The following HNRNPC variants were observed in gnomAD, a reference collection of about 807,000 sequenced individuals.
The protein encoded by HNRNPC is heterogeneous nuclear ribonucleoprotein C, also known as heterogeneous nuclear ribonucleoproteins C1/C2.
HNRNPC carries 3 observed loss-of-function variants against 33.2 expected under a neutral mutation model. The observed-to-expected ratio is 0.09, with a 90% CI of 0.04 to 0.23. The LOEUF is 0.23. HNRNPC is among the 10% of genes least tolerant of loss of function. The pLI, the probability that HNRNPC is intolerant of heterozygous loss-of-function variation, is 1.00. For missense variants in HNRNPC, 143 were observed against 366.7 expected (o/e 0.39, Z 4.98); for synonymous variants, 121 against 126.7 (o/e 0.96, Z 0.30).
rs1891441173 is a variant in HNRNPC at position 21,209,936 on chromosome 14, A to G, written c.*1287T>C. The G allele has an allele frequency of 6.6e-6, 1 of 152,222 alleles. No individual in the cohort carries two copies. The highest frequency in any genetic ancestry group is 1.5e-5 in the Non-Finnish European group (1 of 68,036). The allele number at this position is 152,222 out of a possible 1,614,324, so 9.4% of individuals were successfully genotyped here. On this transcript the variant is annotated 3_prime_UTR_variant, in exon 9 of 9. Coordinates refer to ENST00000553300, the MANE Select transcript of HNRNPC (RefSeq NM_004500.4). ...TCACTGTAATTAATAAAGTTGAGGA[A>G]AACACAAAGATTAGCTAACAGGGGT...
chr14:21,213,939 T>A (rs1306944178), intron 5 of HNRNPC, among the ~76,000 whole-genome samples: 1 of 152,196 alleles, frequency 6.6e-6, no homozygotes, highest in Non-Finnish European at 1.5e-5. Context: ...TGTCTTAAAC[T>A]TAGTATCCCA....
At chr14:21,232,315 C>T (rs1207033240) in intron 3 of HNRNPC, among the ~76,000 whole-genome samples, 1 of 152,150 alleles carries the variant, frequency 6.6e-6, no homozygotes, top group Non-Finnish European at 1.5e-5. Context: ...AAATGAGCTT[C>T]ATTTTAATAT....
In HNRNPC at chr14:21,210,095, T is replaced by C. The variant is rs1891456527; in HGVS notation, c.*1128A>G. 1 of 152,184 alleles carries C rather than the reference T, an allele frequency of 6.6e-6. No individual in the cohort carries two copies. The highest frequency in any genetic ancestry group is 1.5e-5 in the Non-Finnish European group (1 of 68,032). The allele number at this position is 152,184 out of a possible 1,614,324, so 9.4% of individuals were successfully genotyped here. A position where few individuals can be genotyped will look rare whatever the true frequency, so the allele number is the denominator to read the frequency against. ...ACATGGAGGTATATACACTTCAGAA[T>C]TCAGAAGGTAACTGGGGCTATAAAT... On this transcript the variant is annotated 3_prime_UTR_variant, in exon 9 of 9. Transcript: ENST00000553300.
rs749817049 is a variant in HNRNPC, at chr14:21,209,620, CT to C, written c.*1602del. The C allele has an allele frequency of 6.6e-6, 1 of 152,168 alleles. No individual in the cohort carries two copies. The highest frequency in any genetic ancestry group is 1.5e-5 in the Non-Finnish European group (1 of 68,032). The allele number at this position is 152,168 out of a possible 1,614,324, so 9.4% of individuals were successfully genotyped here. A position where few individuals can be genotyped will look rare whatever the true frequency, so the allele number is the denominator to read the frequency against. On this transcript the variant is annotated 3_prime_UTR_variant, in exon 9 of 9. Transcript: ENST00000553300. ...ACTTCAGCCTCTTCATTCTTTTCTG[CT>C]TTTGTCACCTGTTACAGAAAATGAT...
At chr14:21,260,199 CAAAAAA>C (rs539169114) in intron 2 of HNRNPC, among the ~76,000 whole-genome samples, 1 of 94,982 alleles carries the variant, frequency 1.1e-5, no homozygotes, top group Non-Finnish European at 2.2e-5. Context: ...GACTCCATCT[CAAAAAA>C]AAAAAAAAAA....
intron 1 of HNRNPC, among the ~76,000 whole-genome samples, chr14:21,266,645 T>C (rs1879028796): frequency 6.7e-6 from 1 of 148,644 alleles, no homozygotes; most frequent in Admixed American, 6.9e-5. Flanking sequence ...CTCTAGTAAA[T>C]CTAGTATGCA....
At chr14:21,258,872 C>A (rs952932261) in intron 2 of HNRNPC, among the ~76,000 whole-genome samples, 1 of 152,160 alleles carries the variant, frequency 6.6e-6, no homozygotes. Context: ...TGATTATTTT[C>A]TTCAAGAGAT....
intron 5 of HNRNPC, among the ~76,000 whole-genome samples, chr14:21,227,614 C>T (rs1893622614): frequency 6.6e-6 from 1 of 152,174 alleles, no homozygotes; most frequent in Non-Finnish European, 1.5e-5. Flanking sequence ...TCTGAAGAGG[C>T]CACCAATTTC....
intron 2 of HNRNPC, among the ~76,000 whole-genome samples, chr14:21,256,644 G>T (rs779101363): frequency 2.0e-5 from 3 of 151,862 alleles, no homozygotes; most frequent in Non-Finnish European, 4.4e-5. Flanking sequence ...AGAGCTGACA[G>T]CATTTTTTCC....
At chr14:21,233,794 C>A (rs1479517121) in intron 3 of HNRNPC, among the ~76,000 whole-genome samples, 159 bp downstream of exon 3, 9 of 152,030 alleles carry the variant, frequency 5.9e-5, no homozygotes, top group Admixed American at 5.9e-4. Context: ...CTTTACTTAG[C>A]CAATTATAAC....
intron 2 of HNRNPC, chr14:21,234,665 T>C (rs1277836092): frequency 6.1e-6 from 1 of 164,288 alleles, no homozygotes; most frequent in Non-Finnish European, 1.3e-5. Context: ...ACGTTGCTTT[T>C]ATTGAGTTTC....
chr14:21,255,639 T>C (rs1182220004), intron 2 of HNRNPC, among the ~76,000 whole-genome samples: 1 of 152,208 alleles, frequency 6.6e-6, no homozygotes, highest in Non-Finnish European at 1.5e-5. Context: ...AGCTTTTTAA[T>C]TAGAAGGAAA....
intron 5 of HNRNPC, among the ~76,000 whole-genome samples, chr14:21,215,308 C>A (rs376114343): frequency 6.6e-6 from 1 of 152,168 alleles, no homozygotes; most frequent in South Asian, 2.1e-4. Flanking sequence ...CATAGTGTGA[C>A]AACCTTTAAG....
intron 2 of HNRNPC, among the ~76,000 whole-genome samples, chr14:21,245,491 C>T (rs1225926570): frequency 1.4e-5 from 2 of 144,522 alleles, no homozygotes; most frequent in African/African-American, 2.6e-5. Context: ...GCGAGACTGT[C>T]GCCAAAAAAA....
At chr14:21,252,750 A>G (rs1896808317) in intron 2 of HNRNPC, among the ~76,000 whole-genome samples, 1 of 152,226 alleles carries the variant, frequency 6.6e-6, no homozygotes, top group Non-Finnish European at 1.5e-5. Context: ...CTTCAAAATA[A>G]CATGGGAAGG....
At chr14:21,230,437 G>T in intron 4 of HNRNPC, 71 bp from the exon 5 acceptor site, 1 of 1,075,002 alleles carries the variant, frequency 9.3e-7, no homozygotes, top group Non-Finnish European at 1.4e-6. Context: ...GGTGAGGGGA[G>T]AACCATGCCA....
Position 21,216,902 on chromosome 14 carries a change from A to G in HNRNPC, c.366-3785T>C, listed in dbSNP as rs376575866. On this transcript the variant is annotated intron_variant, in intron 5 of 8. Transcript: ENST00000553300. ...AACAATATGTCAAATTGTGACCGAAAACAATAAATCCGTTAAACTAGCTAG... is the reference window on the plus strand; with the variant it reads ...AACAATATGTCAAATTGTGACCGAAGACAATAAATCCGTTAAACTAGCTAG... Among the ~76,000 whole-genome samples, 8 of 152,220 alleles carry G rather than the reference A, an allele frequency of 5.3e-5. No individual in the cohort carries two copies. The East Asian group carries it at 7.7e-4, about 15-fold the overall frequency.
intron 2 of HNRNPC, among the ~76,000 whole-genome samples, chr14:21,247,923 G>A (rs528379758): frequency 2.0e-4 from 31 of 151,930 alleles, no homozygotes; most frequent in African/African-American, 4.8e-4. Context: ...CATGGGAGGC[G>A]GAGGTTGCAG....
intron 2 of HNRNPC, among the ~76,000 whole-genome samples, chr14:21,240,565 G>GA (rs1242982147): frequency 1.3e-5 from 2 of 152,152 alleles, no homozygotes; most frequent in African/African-American, 4.8e-5. Context: ...GGAATTTGCT[G>GA]AGAGCTGAGC....
Sources: gnomAD v4.1 joint callset for allele counts (sites outside exome capture counted in the v4.1 genomes callset) on GRCh38, gnomAD v4.1.1 for gene constraint, MANE v1.5 for transcripts, NCBI Gene and HGNC (gene_info 2026-07-23, HGNC 2026-07-21) for gene names.